The following ANKS1B variants were observed in gnomAD, a reference collection of about 807,000 sequenced individuals.
ANKS1B encodes ankyrin repeat and sterile alpha motif domain-containing protein 1B.
In ANKS1B, 36 loss-of-function variants were observed where a neutral mutation model predicts 148.3. The observed-to-expected ratio is 0.24, with a 90% CI of 0.19 to 0.32. The LOEUF (loss-of-function observed/expected upper bound fraction) is 0.32, where lower values mean the gene tolerates loss of function less well. Ranked by LOEUF, ANKS1B falls within the 10% of genes least tolerant of loss-of-function variation. The pLI, the probability that ANKS1B is intolerant of heterozygous loss-of-function variation, is 1.00. For missense variants in ANKS1B, 1,157 were observed against 1,542.6 expected (o/e 0.75, Z 4.19); for synonymous variants, 542 against 560.8 (o/e 0.97, Z 0.47).
rs116873052 is a variant in ANKS1B at position 99,849,304 on chromosome 12, T to C, written c.135-23915A>G. On this transcript the variant is annotated intron_variant, in intron 1 of 26. Transcript: ENST00000683438. ...GTATATACACATATACACATAGTTGTTCAACTTCCTTAGTTGTCAGGAAAA... is the reference window on the plus strand; with the variant it reads ...GTATATACACATATACACATAGTTGCTCAACTTCCTTAGTTGTCAGGAAAA... Among the ~76,000 whole-genome samples, 247 of 152,260 alleles carry C rather than the reference T, an allele frequency of 1.6e-3. 7 individuals are homozygous for C. The East Asian group carries it at 0.041, about 25-fold the overall frequency.
chr12:98,974,273 T>C (rs1223618625), intron 17 of ANKS1B, among the ~76,000 whole-genome samples: 2 of 152,200 alleles, frequency 1.3e-5, no homozygotes, highest in East Asian at 1.9e-4. Flanking sequence ...GATAAGAACA[T>C]GAGTCTTACA....
intron 8 of ANKS1B, among the ~76,000 whole-genome samples, chr12:99,751,148 T>G (rs183467290): frequency 9.1e-4 from 134 of 147,856 alleles, no homozygotes; most frequent in African/African-American, 3.3e-3. Context: ...AATCCCAGAT[T>G]CTAAACTTTC....
intron 14 of ANKS1B, among the ~76,000 whole-genome samples, chr12:99,170,287 G>A (rs904764891): frequency 2.6e-5 from 4 of 152,228 alleles, no homozygotes; most frequent in Non-Finnish European, 4.4e-5. Flanking sequence ...ATGGGGGACA[G>A]TGTGGAGGTC....
intron 25 of ANKS1B, among the ~76,000 whole-genome samples, chr12:98,762,733 G>A (rs989457306): frequency 1.3e-5 from 2 of 152,062 alleles, no homozygotes; most frequent in South Asian, 2.1e-4. Context: ...CCTCCTCTGC[G>A]GTGCCACAAT....
At chr12:99,908,859 G>A (rs1029042555) in intron 1 of ANKS1B, among the ~76,000 whole-genome samples, 18 of 152,070 alleles carry the variant, frequency 1.2e-4, no homozygotes, top group African/African-American at 4.1e-4. Flanking sequence ...CCCCTTTGGT[G>A]ATAATCTACT....
intron 14 of ANKS1B, among the ~76,000 whole-genome samples, chr12:99,170,198 G>C (rs1481473161): frequency 6.6e-6 from 1 of 152,178 alleles, no homozygotes; most frequent in African/African-American, 2.4e-5. Flanking sequence ...CTTCAGTGCT[G>C]TTTCCACATG....
At position 99,008,568 on chromosome 12, in the gene ANKS1B, C is replaced by T. The variant is rs184963295; in HGVS notation, c.2778+44589G>A. 5.1e-3 allele frequency among the ~76,000 whole-genome samples: 774 copies of T among 152,246 alleles called. 3 individuals are homozygous for T. The highest frequency in any genetic ancestry group is 0.017 in the African/African-American group (698 of 41,552). Reference sequence around the variant, plus strand: ...CCAGCCTTCATAGCAATCAGCCACTCGGGACTTTCTTGCAGTCTGAGCTCA... The same window carrying T: ...CCAGCCTTCATAGCAATCAGCCACTTGGGACTTTCTTGCAGTCTGAGCTCA... On this transcript the variant is annotated intron_variant, in intron 17 of 26. Transcript: ENST00000683438.
At chr12:99,253,345 G>T (rs1478947929) in intron 12 of ANKS1B, among the ~76,000 whole-genome samples, 1 of 152,132 alleles carries the variant, frequency 6.6e-6, no homozygotes, top group Non-Finnish European at 1.5e-5. Flanking sequence ...TGGAAGGCAG[G>T]CGCATGGAAC....
intron 17 of ANKS1B, among the ~76,000 whole-genome samples, chr12:98,849,094 A>G (rs2099505812): frequency 2.0e-5 from 3 of 152,152 alleles, no homozygotes; most frequent in Non-Finnish European, 4.4e-5. Flanking sequence ...TCCTCAAGAT[A>G]AGAAAAATGA....
intron 17 of ANKS1B, among the ~76,000 whole-genome samples, chr12:98,973,140 C>CT (rs1229212262): frequency 6.6e-6 from 1 of 151,314 alleles, no homozygotes; most frequent in African/African-American, 2.4e-5. Context: ...TGTTCAAATA[C>CT]TTTTTCTCTA....
intron 9 of ANKS1B, among the ~76,000 whole-genome samples, chr12:99,594,333 A>AT (rs1461885679): frequency 1.3e-5 from 2 of 152,110 alleles, no homozygotes; most frequent in African/African-American, 4.8e-5. Flanking sequence ...GAACCACCAT[A>AT]TAATTTAGCA....
chr12:99,633,395 C>T (rs1054988202), intron 9 of ANKS1B, among the ~76,000 whole-genome samples: 7 of 152,098 alleles, frequency 4.6e-5, no homozygotes, highest in Non-Finnish European at 5.9e-5. Context: ...AAAGGATTCC[C>T]TATTTAATAA....
intron 25 of ANKS1B, among the ~76,000 whole-genome samples, chr12:98,754,320 G>C (rs2098176704): frequency 6.6e-6 from 1 of 152,208 alleles, no homozygotes. Context: ...ACTGCACAAA[G>C]AGGGCTGAGC....
At chr12:99,661,878 T>C (rs1351069883) in intron 8 of ANKS1B, among the ~76,000 whole-genome samples, 4 of 152,182 alleles carry the variant, frequency 2.6e-5, no homozygotes, top group African/African-American at 4.8e-5. Flanking sequence ...TTGAAGTGAA[T>C]AGGTGTGCCC....
At chr12:98,794,587 A>G (rs56093007) in intron 22 of ANKS1B, 1 of 767,626 alleles carries the variant, frequency 1.3e-6, no homozygotes, top group Non-Finnish European at 2.3e-6. Flanking sequence ...TTGTAAATCT[A>G]AATGTCATTA....
At chr12:99,903,719 G>C (rs1340607288) in intron 1 of ANKS1B, among the ~76,000 whole-genome samples, 2 of 151,648 alleles carry the variant, frequency 1.3e-5, no homozygotes, top group African/African-American at 4.9e-5. Context: ...TGATACAATG[G>C]ACTTTGGGGA....
At chr12:99,265,857 G>C (rs2076396318) in intron 12 of ANKS1B, among the ~76,000 whole-genome samples, 1 of 152,148 alleles carries the variant, frequency 6.6e-6, no homozygotes, top group African/African-American at 2.4e-5. Context: ...CTACCATGGA[G>C]AGTTCTTCAC....
chr12:98,948,797 T>A (rs2099849375), intron 17 of ANKS1B, among the ~76,000 whole-genome samples: 1 of 149,554 alleles, frequency 6.7e-6, no homozygotes, highest in Non-Finnish European at 1.5e-5. Flanking sequence ...ATGCTGGGAT[T>A]TTTGGGAGAT....
intron 12 of ANKS1B, among the ~76,000 whole-genome samples, chr12:99,307,235 C>T (rs1166509453): frequency 6.6e-6 from 1 of 151,988 alleles, no homozygotes; most frequent in Non-Finnish European, 1.5e-5. Flanking sequence ...TTTCAAATGG[C>T]CTCTAATTTC....
Sources: allele counts gnomAD v4.1 joint callset (sites outside exome capture counted in the v4.1 genomes callset), GRCh38; gene constraint gnomAD v4.1.1; transcripts MANE v1.5; gene names NCBI Gene and HGNC (gene_info 2026-07-23, HGNC 2026-07-21).